Variants in SPTBN1 observed in about 807,000 individuals in gnomAD.
SPTBN1 encodes the protein spectrin beta chain, non-erythrocytic 1.
SPTBN1 carries 32 observed loss-of-function variants against 266.4 expected under a neutral mutation model. The observed-to-expected ratio is 0.12, with a 90% confidence interval of 0.09 to 0.16. The LOEUF is 0.16. Ranked by LOEUF, SPTBN1 falls within the 10% of genes least tolerant of loss-of-function variation. The pLI, the probability that SPTBN1 is intolerant of heterozygous loss-of-function variation, is 1.00. For synonymous variants in SPTBN1, 1,336 were observed against 1,162.2 expected (o/e 1.15, Z -3.04); for missense variants, 2,296 against 3,067.1 (o/e 0.75, Z 5.94).
In SPTBN1 at chr2:54,612,197, T is replaced by C. The variant is rs376518290; in HGVS notation, c.337T>C (p.Leu113=). The C allele has an allele frequency of 4.3e-6, 7 of 1,612,946 alleles. No individual in the cohort carries two copies. Among genetic ancestry groups the C allele is most frequent in the Non-Finnish European group, 5.9e-6 (7 of 1,179,226 alleles). The change falls in exon 4 of 36, where the codon TTA becomes CTA. Residue 113 remains leucine (L), a synonymous_variant. Transcript: ENST00000356805. The part of the protein sequence containing the change: ...PTKGRMRIHC[L]ENVDKALQFL... ...CAAGGGACGAATGCGCATCCACTGC[T>C]TAGAGAATGTGGACAAGGCCCTTCA... is the stretch of plus-strand genomic sequence containing the variant.
intron 2 of SPTBN1, among the ~76,000 whole-genome samples, chr2:54,590,366 A>G (rs1675591716): frequency 6.6e-6 from 1 of 152,180 alleles, no homozygotes; most frequent in South Asian, 2.1e-4. Flanking sequence ...CAACAATAAG[A>G]TTTATCGAGA....
Position 54,659,905 on chromosome 2 carries a change from CCCTTCCTCCTTTT to C in SPTBN1, c.6357-28_6357-16del. Reference sequence around the variant, plus strand: ...TTCCTCTTTCTCCTCTTCTTCCTTTCCCTTCCTCCTTTTCCCCTCTTCCCTAACAGGGATACTT... The same window carrying C: ...TTCCTCTTTCTCCTCTTCTTCCTTTCCCCCTCTTCCCTAACAGGGATACTT... On this transcript the variant is annotated intron_variant, in intron 31 of 35. Coordinates refer to ENST00000356805, the MANE Select transcript of SPTBN1 (RefSeq NM_003128.3). 6.2e-7 allele frequency: 1 copy of C among 1,608,052 alleles called. No individual in the cohort carries two copies. The highest frequency in any genetic ancestry group is 8.5e-7 in the Non-Finnish European group (1 of 1,175,796).
At chr2:54,524,230 T>C (rs1224108034) in intron 1 of SPTBN1, among the ~76,000 whole-genome samples, 1 of 152,172 alleles carries the variant, frequency 6.6e-6, no homozygotes, top group Non-Finnish European at 1.5e-5. Context: ...TTATTTTTTT[T>C]CTTGGGATAG....
At chr2:54,601,373 G>T (rs1264429767) in intron 3 of SPTBN1, among the ~76,000 whole-genome samples, 2 of 152,162 alleles carry the variant, frequency 1.3e-5, no homozygotes, top group African/African-American at 2.4e-5. Context: ...CTCGTAGTCT[G>T]TTTGGTTCAT....
In SPTBN1 at chr2:54,546,745, G is replaced by A. The variant is rs145174673; in HGVS notation, c.148+20179G>A. 1.1e-3 allele frequency: 166 copies of A among 152,266 alleles called. 1 individual carries two copies. Among genetic ancestry groups the A allele is most frequent in the African/African-American group, 3.9e-3 (162 of 41,554 alleles). 9.4% of individuals were successfully genotyped at this position (152,266 alleles called of 1,614,324 possible). ...TTGTTGTAAAAATGAGAGTTGGCAG[G>A]ATTCCGAGTAAATATCTTTTTTCCT... On this transcript the variant is annotated intron_variant, in intron 2 of 35. Transcript: ENST00000356805.
At chr2:54,665,859 A>T in intron 33 of SPTBN1, 56 bp from the exon 34 acceptor site, 1 of 1,544,798 alleles carries the variant, frequency 6.5e-7, no homozygotes, top group Admixed American at 2.0e-5. Context: ...TTAGTTCTTT[A>T]AGGGGAATGT....
intron 1 of SPTBN1, among the ~76,000 whole-genome samples, chr2:54,478,176 C>G (rs150717814): frequency 6.6e-6 from 1 of 152,072 alleles, no homozygotes; most frequent in Non-Finnish European, 1.5e-5. Flanking sequence ...CAGAGCTGTC[C>G]GATCCTGGTC....
At chr2:54,598,950 G>A in intron 2 of SPTBN1, 142 bp from the exon 3 acceptor site, 1 of 810,332 alleles carries the variant, frequency 1.2e-6, no homozygotes, top group Non-Finnish European at 2.0e-6. Context: ...CATGACCGCA[G>A]TTAAGGGGCG....
intron 16 of SPTBN1, 99 bp from the exon 17 acceptor site, chr2:54,632,467 T>A (rs1311548231): frequency 1.6e-6 from 2 of 1,216,560 alleles, no homozygotes; most frequent in East Asian, 2.3e-5. Flanking sequence ...GTAAGTGTAA[T>A]GAAGAAAGTG....
At chr2:54,508,215 T>C (rs1669675068) in intron 1 of SPTBN1, among the ~76,000 whole-genome samples, 1 of 152,182 alleles carries the variant, frequency 6.6e-6, no homozygotes, top group African/African-American at 2.4e-5. Flanking sequence ...ACCGAGGAAC[T>C]ATGTCTGACA....
intron 1 of SPTBN1, among the ~76,000 whole-genome samples, chr2:54,510,904 A>G (rs1056034908): frequency 1.3e-5 from 2 of 152,186 alleles, no homozygotes; most frequent in South Asian, 2.1e-4. Flanking sequence ...TCTTATTTTC[A>G]TTTTGCAGTC....
intron 2 of SPTBN1, among the ~76,000 whole-genome samples, chr2:54,590,870 T>C (rs1675630763): frequency 6.6e-6 from 1 of 152,150 alleles, no homozygotes; most frequent in South Asian, 2.1e-4. Context: ...CTGGGGTCCG[T>C]TGAAGGTTTT....
chr2:54,495,156 A>G (rs114225938), intron 1 of SPTBN1, among the ~76,000 whole-genome samples: 2,749 of 143,266 alleles, frequency 0.019, 33 homozygotes, highest in Non-Finnish European at 0.028. Context: ...AATTCTGAGA[A>G]TCATAGGAGG....
In SPTBN1 at chr2:54,570,880, A is replaced by G. The variant is rs574328378; in HGVS notation, c.149-28212A>G. Among the ~76,000 whole-genome samples, 46 of 152,166 alleles carry G rather than the reference A, an allele frequency of 3.0e-4. No homozygotes were observed. In the East Asian group the frequency reaches 8.5e-3, roughly 28 times the overall value. ...TCTGTTGAACTCTTAAATCCCAGTGAGTTCCTATAGATTGCTAGCTTGAGT... is the reference window on the plus strand; with the variant it reads ...TCTGTTGAACTCTTAAATCCCAGTGGGTTCCTATAGATTGCTAGCTTGAGT... On this transcript the variant is annotated intron_variant, in intron 2 of 35. Coordinates refer to ENST00000356805, the MANE Select transcript of SPTBN1 (RefSeq NM_003128.3).
chr2:54,557,774 C>T, intron 2 of SPTBN1: 1 of 985,436 alleles, frequency 1.0e-6, no homozygotes, highest in South Asian at 4.7e-5. Context: ...CCACCGCCTT[C>T]ATATCCCCTG....
At chr2:54,478,021 G>A (rs1420360539) in intron 1 of SPTBN1, among the ~76,000 whole-genome samples, 1 of 152,014 alleles carries the variant, frequency 6.6e-6, no homozygotes, top group Non-Finnish European at 1.5e-5. Context: ...CCTTTTTGTT[G>A]ATACCAGTAT....
chr2:54,498,645 TC>T (rs769576171), intron 1 of SPTBN1, among the ~76,000 whole-genome samples: 6 of 152,186 alleles, frequency 3.9e-5, no homozygotes, highest in African/African-American at 7.2e-5. Flanking sequence ...TATATATACA[TC>T]CCTAAAGTGA....
intron 3 of SPTBN1, among the ~76,000 whole-genome samples, chr2:54,606,965 C>T (rs1472911952): frequency 6.6e-6 from 1 of 152,176 alleles, no homozygotes; most frequent in Non-Finnish European, 1.5e-5. Context: ...CGTTAGATTG[C>T]TTGATTTTGA....
chr2:54,611,280 A>T (rs1677194072), intron 3 of SPTBN1, among the ~76,000 whole-genome samples: 1 of 152,136 alleles, frequency 6.6e-6, no homozygotes, highest in Admixed American at 6.5e-5. Flanking sequence ...AAAGTTTTCC[A>T]GTTTATTTAT....
Sources: gnomAD v4.1 joint callset for allele counts (sites outside exome capture counted in the v4.1 genomes callset) on GRCh38, gnomAD v4.1.1 for gene constraint, MANE v1.5 for transcripts, NCBI Gene and HGNC (gene_info 2026-07-23, HGNC 2026-07-21) for gene names.